C18orf63: variants seen among roughly 807,000 people sequenced by gnomAD.
The protein encoded by C18orf63 is uncharacterized protein C18orf63.
Under a neutral mutation model 75.3 loss-of-function variants are expected in C18orf63, and 50 were observed. The ratio of observed to expected loss-of-function variants is 0.66; its 90% CI spans 0.53 to 0.84. The LOEUF (loss-of-function observed/expected upper bound fraction) is 0.84, where lower values mean the gene tolerates loss of function less well. Among genes scored for constraint, C18orf63 ranks in the 40% least tolerant of loss-of-function variants. C18orf63 has a pLI of 0.00. For missense variants in C18orf63, 732 were observed against 800.2 expected (o/e 0.91, Z 1.03); for synonymous variants, 232 against 267.6 (o/e 0.87, Z 1.30).
intron 11 of C18orf63, among the ~76,000 whole-genome samples, chr18:74,347,889 T>C (rs1984600804): frequency 6.6e-6 from 1 of 152,154 alleles, no homozygotes; most frequent in Non-Finnish European, 1.5e-5. Context: ...TGACATATTT[T>C]TGGGTAGGGA....
chr18:74,349,746 T>C (rs1031504998), intron 11 of C18orf63, among the ~76,000 whole-genome samples: 12 of 152,070 alleles, frequency 7.9e-5, no homozygotes, highest in Non-Finnish European at 1.6e-4. Flanking sequence ...TGAGGACTAC[T>C]CCTCTATAGC....
Position 74,358,506 on chromosome 18 carries a change from C to T in C18orf63, c.*2059C>T, listed in dbSNP as rs2144450299. 1 of 152,214 alleles carries T rather than the reference C, an allele frequency of 6.6e-6. No homozygotes were observed. The highest frequency in any genetic ancestry group is 2.4e-5 in the African/African-American group (1 of 41,542). 9.4% of individuals were successfully genotyped at this position (152,214 alleles called of 1,614,324 possible). ...AATTAAGATTTTGGTTCATTTTAAA[C>T]ATTGCAATTTTTGAAAGCCAAGATA... is the stretch of plus-strand genomic sequence containing the variant. On this transcript the variant is annotated 3_prime_UTR_variant, in exon 14 of 14. Transcript: ENST00000579455.
At chr18:74,351,044 C>T (rs982695679) in intron 11 of C18orf63, among the ~76,000 whole-genome samples, 35 of 152,212 alleles carry the variant, frequency 2.3e-4, no homozygotes, top group African/African-American at 8.4e-4. Context: ...TTATAGCAGC[C>T]AAAAGAAACT....
At chr18:74,344,678 G>A (rs2145128154) in intron 11 of C18orf63, among the ~76,000 whole-genome samples, 1 of 152,200 alleles carries the variant, frequency 6.6e-6, no homozygotes, top group African/African-American at 2.4e-5. Context: ...CATAGAGTAT[G>A]TATTCCTTTG....
intron 5 of C18orf63, 63 bp from the exon 6 acceptor site, chr18:74,328,932 T>G: frequency 1.1e-6 from 1 of 920,592 alleles, no homozygotes; most frequent in Non-Finnish European, 1.7e-6. Flanking sequence ...AGCATAGTTA[T>G]AAATATCAAG....
chr18:74,341,401 G>A (rs1004588786), intron 8 of C18orf63, among the ~76,000 whole-genome samples: 2 of 148,340 alleles, frequency 1.3e-5, no homozygotes, highest in Non-Finnish European at 3.0e-5. Flanking sequence ...AAATCACTAA[G>A]AAGGGGTGAG....
At position 74,354,465 on chromosome 18, in the gene C18orf63, C is replaced by T; in HGVS notation, c.2010C>T (p.Asp670=). 1 of 1,474,110 alleles carries T rather than the reference C, an allele frequency of 6.8e-7. No individual in the cohort carries two copies. The highest frequency in any genetic ancestry group is 9.1e-7 in the Non-Finnish European group (1 of 1,093,062). The allele number at this position is 1,474,110 out of a possible 1,614,324, so 91.3% of individuals were successfully genotyped here. A position where few individuals can be genotyped will look rare whatever the true frequency, so the allele number is the denominator to read the frequency against. Residue 670 remains aspartate (D), a synonymous_variant, in exon 13 of 14, where the codon GAC becomes GAT. Coordinates refer to ENST00000579455, the MANE Select transcript of C18orf63 (RefSeq NM_001174123.2). ...QSSSSKKQIL[D]SDKSKLKKSL... is the part of the protein sequence containing the mutation. ...TCTTCAATCTAATACAGATACTTGA[C>T]TCGGATAAATCAAAACTTAAGAAAT...
At chr18:74,319,866 T>C (rs1984090003) in intron 2 of C18orf63, among the ~76,000 whole-genome samples, 1 of 152,188 alleles carries the variant, frequency 6.6e-6, no homozygotes, top group Non-Finnish European at 1.5e-5. Flanking sequence ...GAATTTAGGT[T>C]CACAGATGAA....
intron 13 of C18orf63, among the ~76,000 whole-genome samples, chr18:74,354,907 G>A (rs1984737604): frequency 6.6e-6 from 1 of 152,158 alleles, no homozygotes; most frequent in South Asian, 2.1e-4. Context: ...ACCTACCCAA[G>A]ATAATAAACC....
Position 74,316,702 on chromosome 18 carries a change from T to C in C18orf63, c.-33+593T>C, listed in dbSNP as rs188383092. 2.7e-4 allele frequency among the ~76,000 whole-genome samples: 41 copies of C among 152,322 alleles called. 1 individual carries two copies. Among genetic ancestry groups the C allele is most frequent in the Middle Eastern group, 3.4e-3 (1 of 294 alleles). On this transcript the variant is annotated intron_variant, in intron 1 of 13. Transcript: ENST00000579455. ...TGGAGCGACTCCCTGGACAGGATGT[T>C]AATAGCGCATCCGTAGATCATAATA...
intron 8 of C18orf63, among the ~76,000 whole-genome samples, chr18:74,341,392 A>C (rs191244204): frequency 6.6e-6 from 1 of 151,458 alleles, no homozygotes; most frequent in Non-Finnish European, 1.5e-5. Context: ...ACATATTAAA[A>C]ATCACTAAGA....
intron 8 of C18orf63, among the ~76,000 whole-genome samples, chr18:74,341,545 T>C (rs1175260686): frequency 6.6e-6 from 1 of 152,052 alleles, no homozygotes; most frequent in Non-Finnish European, 1.5e-5. Flanking sequence ...CTGAGCATAG[T>C]GGTGCACGCT....
intron 4 of C18orf63, among the ~76,000 whole-genome samples, chr18:74,325,267 T>C (rs7237249): frequency 0.2 from 30,670 of 152,168 alleles, 3,290 homozygotes; most frequent in African/African-American, 0.27. Flanking sequence ...TTCTAATTCC[T>C]GTTTGATTTC....
chr18:74,325,649 C>T (rs1984194795), intron 4 of C18orf63, among the ~76,000 whole-genome samples: 1 of 152,168 alleles, frequency 6.6e-6, no homozygotes, highest in African/African-American at 2.4e-5. Flanking sequence ...TTATGAATTT[C>T]TCTGTTTCTC....
intron 8 of C18orf63, 36 bp from the exon 9 acceptor site, chr18:74,341,996 C>A: frequency 1.0e-6 from 1 of 996,672 alleles, no homozygotes; most frequent in Non-Finnish European, 1.5e-6. Flanking sequence ...TATATTTAAG[C>A]ATTGGCTCAT....
At chr18:74,335,672 G>C (rs978310678) in intron 7 of C18orf63, among the ~76,000 whole-genome samples, 1 of 152,092 alleles carries the variant, frequency 6.6e-6, no homozygotes, top group Non-Finnish European at 1.5e-5. Flanking sequence ...TGGGAAATGA[G>C]TGCCTCGAAA....
At chr18:74,350,214 T>C (rs1245866510) in intron 11 of C18orf63, among the ~76,000 whole-genome samples, 1 of 152,164 alleles carries the variant, frequency 6.6e-6, no homozygotes, top group Non-Finnish European at 1.5e-5. Context: ...CCTAGCTCCC[T>C]TGTACAGGGA....
At chr18:74,342,955 G>A (rs12604519) in intron 10 of C18orf63, among the ~76,000 whole-genome samples, 105,419 of 152,000 alleles carry the variant, frequency 0.69, 36,894 homozygotes, top group Non-Finnish European at 0.75. Flanking sequence ...GTCTTTTTGC[G>A]TTCTTTGTTT....
chr18:74,320,758 T>G (rs1984107360), intron 3 of C18orf63, among the ~76,000 whole-genome samples, 167 bp downstream of exon 3: 1 of 152,218 alleles, frequency 6.6e-6, no homozygotes, highest in Non-Finnish European at 1.5e-5. Context: ...TTGAAATGCC[T>G]GATGCTTAAA....
Sources: allele counts gnomAD v4.1 joint callset (sites outside exome capture counted in the v4.1 genomes callset), GRCh38; gene constraint gnomAD v4.1.1; transcripts MANE v1.5; gene names NCBI Gene and HGNC (gene_info 2026-07-23, HGNC 2026-07-21).